SCUBE1: variants seen among roughly 807,000 people sequenced by gnomAD.
SCUBE1 encodes the protein signal peptide, CUB domain and EGF like domain containing 1.
SCUBE1 carries 59 observed loss-of-function variants against 124.4 expected under a neutral mutation model. That is an observed-to-expected ratio of 0.47 (90% CI 0.38 to 0.59). SCUBE1 has a LOEUF of 0.59. SCUBE1 is among the 20% of genes least tolerant of loss of function. The pLI is 0.00. For synonymous variants in SCUBE1, 545 were observed against 550.9 expected (o/e 0.99, Z 0.15); for missense variants, 1,150 against 1,371.2 (o/e 0.84, Z 2.55).
chr22:43,336,953 A>G (rs1256522050), intron 2 of SCUBE1, among the ~76,000 whole-genome samples: 4 of 142,660 alleles, frequency 2.8e-5, no homozygotes, highest in African/African-American at 1.1e-4. Flanking sequence ...GTCTGTGTGT[A>G]TGTCTGTGTG....
intron 7 of SCUBE1, 66 bp from the exon 8 acceptor site, chr22:43,231,941 G>GA: frequency 6.3e-7 from 1 of 1,589,136 alleles, no homozygotes; most frequent in Non-Finnish European, 8.6e-7. Flanking sequence ...CCAGCGGGGG[G>GA]ACGGCAGGCT....
rs1202976551 is a variant in SCUBE1 at position 43,198,886 on chromosome 22, C to T, written c.*5111G>A. 2 of 375,864 alleles carry T rather than the reference C, an allele frequency of 5.3e-6. No homozygotes were observed. The allele number at this position is 375,864 out of a possible 1,614,324, so 23.3% of individuals were successfully genotyped here. A position where few individuals can be genotyped will look rare whatever the true frequency, so the allele number is the denominator to read the frequency against. ...TCTGTCTGCTGTCTGGGGCAGTTTG[C>T]TGTCTGCTTTCCGGGGCAGTTTGTC... On this transcript the variant is annotated 3_prime_UTR_variant, in exon 22 of 22. Coordinates refer to ENST00000360835, the MANE Select transcript of SCUBE1 (RefSeq NM_173050.5).
intron 6 of SCUBE1, among the ~76,000 whole-genome samples, chr22:43,249,113 G>A (rs1298989924): frequency 6.6e-6 from 1 of 152,110 alleles, no homozygotes; most frequent in East Asian, 1.9e-4. Context: ...TGGCACCTGG[G>A]TAGAGAGAAG....
At chr22:43,342,352 G>C (rs56007281) in intron 1 of SCUBE1, among the ~76,000 whole-genome samples, 13,904 of 151,628 alleles carry the variant, frequency 0.092, 1,000 homozygotes, top group East Asian at 0.38. Context: ...CCGACGTCCC[G>C]CGTCCGGACT....
intron 2 of SCUBE1, among the ~76,000 whole-genome samples, chr22:43,321,361 G>C (rs1926548014): frequency 6.6e-6 from 1 of 152,190 alleles, no homozygotes; most frequent in South Asian, 2.1e-4. Flanking sequence ...CTGGAGAGCA[G>C]AGCTACTCAC....
intron 4 of SCUBE1, among the ~76,000 whole-genome samples, chr22:43,281,532 TCCCTCAGTCACC>T (rs1924887886): frequency 5.6e-5 from 3 of 53,902 alleles, no homozygotes; most frequent in African/African-American, 3.3e-4. Context: ...TCCTGTCACC[TCCCTCAGTCACC>T]CTCCTGTCAC....
intron 16 of SCUBE1, chr22:43,213,079 C>T: frequency 5.9e-6 from 1 of 168,668 alleles, no homozygotes; most frequent in Non-Finnish European, 1.3e-5. Context: ...CTCAAGGGCA[C>T]CCCTGGGACA....
intron 4 of SCUBE1, chr22:43,282,310 T>C (rs1569011596): frequency 6.6e-6 from 1 of 152,464 alleles, no homozygotes; most frequent in Non-Finnish European, 1.5e-5. Context: ...GCCACGGAAT[T>C]GCTTGCAGTC....
At position 43,210,180 on chromosome 22, in the gene SCUBE1, G is replaced by GAA; in HGVS notation, c.2443_2444insTT (p.Pro815LeufsTer44). 6.2e-7 allele frequency: 1 copy of GAA among 1,603,076 alleles called. No individual in the cohort carries two copies. The highest frequency in any genetic ancestry group is 8.5e-7 in the Non-Finnish European group (1 of 1,174,810). ...TTCAGCGTTGGCTGGGTAGTCGCCA[G>GAA]GGTAGTTGGGGGACTCGATGTAGCC... On this transcript the variant is annotated frameshift_variant, in exon 19 of 22. Coordinates refer to ENST00000360835, the MANE Select transcript of SCUBE1 (RefSeq NM_173050.5). LOFTEE classifies it high-confidence loss of function. This position sits in a 1 kb window ranked among gnomAD's most constrained non-coding sequence, Gnocchi z 4.5.
At chr22:43,246,346 G>T (rs1035147392) in intron 6 of SCUBE1, among the ~76,000 whole-genome samples, 1 of 152,154 alleles carries the variant, frequency 6.6e-6, no homozygotes, top group African/African-American at 2.4e-5. Flanking sequence ...GGGTTGAGAT[G>T]CGGTAAGGGG....
At chr22:43,232,176 C>T in intron 7 of SCUBE1, 1 of 347,018 alleles carries the variant, frequency 2.9e-6, no homozygotes, top group East Asian at 5.2e-5. Flanking sequence ...GGCTGCTGTG[C>T]CCGGCAAGAA....
chr22:43,223,086 G>A lies in SCUBE1; in HGVS notation c.1327+11C>T. 2 of 1,525,982 alleles carry A rather than the reference G, an allele frequency of 1.3e-6. No individual in the cohort carries two copies. Among genetic ancestry groups the A allele is most frequent in the Middle Eastern group, 3.5e-4 (2 of 5,750 alleles). The allele number at this position is 1,525,982 out of a possible 1,614,324, so 94.5% of individuals were successfully genotyped here. ...GCCACAGCATCCCATCTCAGGGACGGCCCGGGTTACCTGGCACGAAGAGTG... is the reference window on the plus strand; with the variant it reads ...GCCACAGCATCCCATCTCAGGGACGACCCGGGTTACCTGGCACGAAGAGTG... On this transcript the variant is annotated intron_variant, in intron 11 of 21. Transcript: ENST00000360835.
At chr22:43,281,533 C>CCAT (rs568020364) in intron 4 of SCUBE1, among the ~76,000 whole-genome samples, 1 of 63,484 alleles carries the variant, frequency 1.6e-5, no homozygotes, top group African/African-American at 1.1e-4. Context: ...CCTGTCACCT[C>CCAT]CCTCAGTCAC....
At chr22:43,269,324 A>G (rs1423913858) in intron 4 of SCUBE1, among the ~76,000 whole-genome samples, 1 of 152,124 alleles carries the variant, frequency 6.6e-6, no homozygotes, top group African/African-American at 2.4e-5. Flanking sequence ...GTGTGCGCAG[A>G]GAGAAACGAT....
At chr22:43,260,712 C>A (rs1923840139) in intron 5 of SCUBE1, among the ~76,000 whole-genome samples, 1 of 152,236 alleles carries the variant, frequency 6.6e-6, no homozygotes. Flanking sequence ...CTCTCCATAC[C>A]TTGGTGATAT....
chr22:43,230,256 C>G (rs769510273), intron 8 of SCUBE1, among the ~76,000 whole-genome samples: 62 of 152,178 alleles, frequency 4.1e-4, no homozygotes, highest in Non-Finnish European at 8.2e-4. Context: ...TTGGGCCCAG[C>G]CCCATCTGAA....
intron 4 of SCUBE1, among the ~76,000 whole-genome samples, chr22:43,279,127 T>C (rs1389168119): frequency 1.3e-5 from 2 of 152,222 alleles, no homozygotes; most frequent in Non-Finnish European, 2.9e-5. Flanking sequence ...GGCAAGGGTT[T>C]CAGATACAGG....
intron 3 of SCUBE1, among the ~76,000 whole-genome samples, chr22:43,299,861 T>C (rs992995373): frequency 3.9e-5 from 6 of 152,228 alleles, no homozygotes; most frequent in Middle Eastern, 3.2e-3. Context: ...GGACATTTCA[T>C]GTAAAGAGAG....
At chr22:43,321,124 A>C (rs1397504670) in intron 2 of SCUBE1, among the ~76,000 whole-genome samples, 1 of 152,196 alleles carries the variant, frequency 6.6e-6, no homozygotes, top group Non-Finnish European at 1.5e-5. Context: ...GAAGTGCAGC[A>C]CTAAGTGGAA....
Sources: gnomAD v4.1 joint callset for allele counts (sites outside exome capture counted in the v4.1 genomes callset) on GRCh38, gnomAD v4.1.1 for gene constraint, Gnocchi (gnomAD v3.1) non-coding constraint, MANE v1.5 for transcripts, NCBI Gene and HGNC (gene_info 2026-07-23, HGNC 2026-07-21) for gene names.